The following ARID4A variants were observed in gnomAD, a reference collection of about 807,000 sequenced individuals.
ARID4A encodes the protein AT-rich interactive domain-containing protein 4A.
ARID4A carries 39 observed loss-of-function variants against 148.6 expected under a neutral mutation model. That is an observed-to-expected ratio of 0.26 (90% confidence interval 0.20 to 0.34). ARID4A has a LOEUF of 0.34. ARID4A is among the 10% of genes least tolerant of loss of function. ARID4A has a pLI of 1.00. For synonymous variants in ARID4A, 475 were observed against 481.2 expected (o/e 0.99, Z 0.17); for missense variants, 1,265 against 1,449.1 (o/e 0.87, Z 2.06).
chr14:58,307,684 G>T (rs1594867626), intron 5 of ARID4A, among the ~76,000 whole-genome samples: 1 of 152,182 alleles, frequency 6.6e-6, no homozygotes, highest in East Asian at 1.9e-4. Flanking sequence ...GCTGGGTGTG[G>T]TGGTGGGCGT....
chr14:58,339,441 T>C (rs889165601), intron 11 of ARID4A, among the ~76,000 whole-genome samples: 1 of 152,204 alleles, frequency 6.6e-6, no homozygotes, highest in Admixed American at 6.5e-5. Context: ...CGATATGTTA[T>C]ACGCTAGGAA....
At position 58,364,630 on chromosome 14, in the gene ARID4A, C is replaced by G. The variant is rs747957099; in HGVS notation, c.2541C>G (p.Asp847Glu). The change falls in exon 20 of 24, where the codon GAC becomes GAG. Residue 847 changes from aspartate to glutamate, a missense_variant. Coordinates refer to ENST00000355431, the MANE Select transcript of ARID4A (RefSeq NM_002892.4). Reference sequence around the variant, plus strand: ...CTTCTGCTACAGAAGATGAAATTGACCAATGTGTGAAAGAAAAGAAGTTGA... The same window carrying G: ...CTTCTGCTACAGAAGATGAAATTGAGCAATGTGTGAAAGAAAAGAAGTTGA... ...NFSSATEDEI[D>E]QCVKEKKLKR... The G allele has an allele frequency of 6.2e-7, 1 of 1,613,570 alleles. No homozygotes were observed. Among genetic ancestry groups the G allele is most frequent in the Admixed American group, 1.7e-5 (1 of 59,972 alleles).
Position 58,351,230 on chromosome 14 carries a change from G to A in ARID4A, c.1562G>A (p.Arg521Lys). The A allele has an allele frequency of 6.2e-7, 1 of 1,612,550 alleles. No homozygotes were observed. The highest frequency in any genetic ancestry group is 8.5e-7 in the Non-Finnish European group (1 of 1,179,644). Residue 521 changes from arginine (R) to lysine (K), a missense_variant, in exon 16 of 24, where the codon AGA (arginine) becomes AAA (lysine). Arg to Lys is a conservative substitution (Grantham distance 26). Transcript: ENST00000355431. Reference protein sequence around the residue: ...EKKENELLLGRKNTPKQKEKK... With the variant: ...EKKENELLLGKKNTPKQKEKK... ...AAAGAAAATGAGCTACTACTGGGGAGAAAAAATACACCAAAGCAAAAAGAG... is the reference window on the plus strand; with the variant it reads ...AAAGAAAATGAGCTACTACTGGGGAAAAAAAATACACCAAAGCAAAAAGAG...
chr14:58,324,899 C>T (rs932026181), intron 8 of ARID4A, among the ~76,000 whole-genome samples: 9 of 151,894 alleles, frequency 5.9e-5, no homozygotes, highest in Admixed American at 3.9e-4. Flanking sequence ...AATGTATTGC[C>T]CTCAAGAAGC....
Position 58,345,821 on chromosome 14 carries a change from C to G in ARID4A, c.980-590C>G, listed in dbSNP as rs188626984. Among the ~76,000 whole-genome samples the G allele has an allele frequency of 3.1e-4, 43 of 138,560 alleles. No homozygotes were observed. In the East Asian group the frequency reaches 8.1e-3, roughly 26 times the overall value. The allele number at this position is 138,560 out of a possible 152,430, so 90.9% of individuals were successfully genotyped here. A position where few individuals can be genotyped will look rare whatever the true frequency, so the allele number is the denominator to read the frequency against. ...ACATGGCTCCCTCCAGCCTCCACTT[C>G]CTGGGCTTAAGCAGTCCTCCCACCT... On this transcript the variant is annotated intron_variant, in intron 12 of 23. Coordinates refer to ENST00000355431, the MANE Select transcript of ARID4A (RefSeq NM_002892.4).
chr14:58,364,148 A>G (rs753315100), intron 19 of ARID4A, 22 bp from the exon 20 acceptor site: 2 of 1,207,980 alleles, frequency 1.7e-6, no homozygotes, highest in South Asian at 2.4e-5. Flanking sequence ...CCTGTATAAT[A>G]TAATAATATT....
intron 6 of ARID4A, 34 bp downstream of exon 6, chr14:58,318,655 C>T (rs371156006): frequency 1.2e-6 from 2 of 1,612,772 alleles, no homozygotes; most frequent in African/African-American, 2.7e-5. Flanking sequence ...TTGGATTGAA[C>T]TACAGGTACT....
intron 8 of ARID4A, among the ~76,000 whole-genome samples, chr14:58,326,858 A>G (rs1322757207): frequency 6.6e-6 from 1 of 152,130 alleles, no homozygotes; most frequent in Admixed American, 6.5e-5. Context: ...TTTTCATACT[A>G]TTATGTGCCT....
chr14:58,309,909 A>G (rs1421245549), intron 5 of ARID4A, among the ~76,000 whole-genome samples: 8 of 152,132 alleles, frequency 5.3e-5, no homozygotes, highest in African/African-American at 1.9e-4. Context: ...CAACTGGTGA[A>G]TTAATTAAAT....
chr14:58,371,778 C>A, intron 23 of ARID4A, 108 bp from the exon 24 acceptor site: 1 of 848,568 alleles, frequency 1.2e-6, no homozygotes, highest in Non-Finnish European at 1.9e-6. Flanking sequence ...ATATAAGAGG[C>A]CTGTGATTAA....
rs772566941 is a variant in ARID4A at position 58,312,315 on chromosome 14, C to A, written c.274+6203C>A. Among the ~76,000 whole-genome samples the A allele has an allele frequency of 4.0e-5, 6 of 150,996 alleles. No homozygotes were observed. The East Asian group carries it at 1.2e-3, about 29-fold the overall frequency. ...CACTGTAAGCTCCACCTCCCAGGTT[C>A]AAATGATTCTCCTGCCTCAGTTTCC... is the stretch of plus-strand genomic sequence containing the variant. On this transcript the variant is annotated intron_variant, in intron 5 of 23. Transcript: ENST00000355431.
chr14:58,328,348 G>T (rs1207487720), intron 9 of ARID4A, 32 bp downstream of exon 9: 1 of 1,398,016 alleles, frequency 7.2e-7, no homozygotes, highest in Admixed American at 1.9e-5. Context: ...GATGTTACGT[G>T]GGAGGAAAAA....
chr14:58,359,298 C>T, intron 18 of ARID4A, 82 bp downstream of exon 18: 1 of 1,357,304 alleles, frequency 7.4e-7, no homozygotes, highest in Non-Finnish European at 1.0e-6. Context: ...ACTTTAAGAA[C>T]AGTTTTAGGT....
At chr14:58,304,888 A>G (rs1186589030) in intron 3 of ARID4A, 56 bp from the exon 4 acceptor site, 3 of 1,383,706 alleles carry the variant, frequency 2.2e-6, no homozygotes, top group Non-Finnish European at 3.1e-6. Context: ...TAGTGTTACT[A>G]TAAATGTATT....
In ARID4A at chr14:58,347,831, TCAAA is replaced by T; in HGVS notation, c.1360_1363del (p.Asn454ValfsTer8). ...GAGTGAACCTGAGGAAAATATCGAT[TCAAA>T]CAGTGAAAGTGAAAGAGAAGAGATA... On this transcript the variant is annotated frameshift_variant, in exon 15 of 24. Coordinates refer to ENST00000355431, the MANE Select transcript of ARID4A (RefSeq NM_002892.4). LOFTEE classifies it high-confidence loss of function. The T allele has an allele frequency of 6.2e-7, 1 of 1,613,580 alleles. No homozygotes were observed. The highest frequency in any genetic ancestry group is 1.1e-5 in the South Asian group (1 of 91,054).
intron 4 of ARID4A, among the ~76,000 whole-genome samples, chr14:58,305,695 A>G (rs1330112777): frequency 6.6e-6 from 1 of 152,162 alleles, no homozygotes; most frequent in African/African-American, 2.4e-5. Flanking sequence ...CTTGAAGGCA[A>G]TGTGATATAG....
intron 3 of ARID4A, 126 bp from the exon 4 acceptor site, chr14:58,304,818 T>A (rs1008479328): frequency 4.0e-6 from 3 of 754,038 alleles, no homozygotes; most frequent in Non-Finnish European, 6.6e-6. Flanking sequence ...TAATAAGTAT[T>A]ACATTAGCAG....
At chr14:58,365,873 G>A in intron 21 of ARID4A, 151 bp from the exon 22 acceptor site, 1 of 794,878 alleles carries the variant, frequency 1.3e-6, no homozygotes, top group African/African-American at 1.7e-5. Flanking sequence ...AGGTTTTTTT[G>A]TTTTTTTGTT....
chr14:58,345,361 C>G (rs1401538332), intron 12 of ARID4A, among the ~76,000 whole-genome samples: 1 of 151,998 alleles, frequency 6.6e-6, no homozygotes, highest in Non-Finnish European at 1.5e-5. Context: ...AGAAAGTGAC[C>G]AGTTATGTTA....
Sources: allele counts gnomAD v4.1 joint callset (sites outside exome capture counted in the v4.1 genomes callset), GRCh38; gene constraint gnomAD v4.1.1; transcripts MANE v1.5; gene names NCBI Gene and HGNC (gene_info 2026-07-23, HGNC 2026-07-21).